CSMD1: variants seen among roughly 807,000 people sequenced by gnomAD.
CSMD1 encodes CUB and Sushi multiple domains 1.
Under a neutral mutation model 417.5 loss-of-function variants are expected in CSMD1, and 213 were observed. That is an observed-to-expected ratio of 0.51 (90% CI 0.46 to 0.57). CSMD1 has a LOEUF of 0.57. CSMD1 is among the 20% of genes least tolerant of loss of function. The probability of loss-of-function intolerance (pLI) is 0.00; values close to 1 mark genes in which losing one functional copy is unlikely to be tolerated. For missense variants in CSMD1, 6,923 were observed against 4,529.7 expected (o/e 1.53, Z -15.17); for synonymous variants, 2,862 against 1,736.8 (o/e 1.65, Z -16.11).
intron 65 of CSMD1, among the ~76,000 whole-genome samples, chr8:2,953,237 G>C (rs1350489300): frequency 6.6e-6 from 1 of 152,048 alleles, no homozygotes; most frequent in Non-Finnish European, 1.5e-5. Flanking sequence ...AAATAGTCTA[G>C]AAAGCTTTAA....
At chr8:3,679,156 A>G (rs1379614053) in intron 7 of CSMD1, among the ~76,000 whole-genome samples, 2 of 152,268 alleles carry the variant, frequency 1.3e-5, no homozygotes, top group South Asian at 2.1e-4. Flanking sequence ...CTAACATCAT[A>G]ATGACAGGAT....
intron 2 of CSMD1, among the ~76,000 whole-genome samples, chr8:4,621,260 C>T (rs1237535529): frequency 6.6e-6 from 1 of 151,832 alleles, no homozygotes; most frequent in Non-Finnish European, 1.5e-5. Flanking sequence ...ATATACATAA[C>T]CTGAAGACAA....
At chr8:2,999,260 T>A (rs542708692) in intron 53 of CSMD1, among the ~76,000 whole-genome samples, 78 of 150,696 alleles carry the variant, frequency 5.2e-4, no homozygotes, top group African/African-American at 1.9e-3. Flanking sequence ...GTTCAAGCAA[T>A]TCTCCTGCTT....
At chr8:3,455,216 A>G (rs1404815670) in intron 12 of CSMD1, among the ~76,000 whole-genome samples, 2 of 151,818 alleles carry the variant, frequency 1.3e-5, no homozygotes, top group Non-Finnish European at 2.9e-5. Flanking sequence ...CAGTCGTCTA[A>G]TTTTTTTTCA....
intron 15 of CSMD1, 82 bp downstream of exon 15, chr8:3,405,943 AAC>A: frequency 1.5e-6 from 2 of 1,332,496 alleles, no homozygotes; most frequent in South Asian, 2.7e-5. Flanking sequence ...CTAGCAAGCT[AAC>A]ACAGTTTGTT....
chr8:4,120,563 C>T (rs1362549357), intron 3 of CSMD1, among the ~76,000 whole-genome samples: 1 of 152,196 alleles, frequency 6.6e-6, no homozygotes, highest in African/African-American at 2.4e-5. Flanking sequence ...AAACTGGCGA[C>T]CGGGAGGCTT....
intron 5 of CSMD1, among the ~76,000 whole-genome samples, chr8:3,792,788 T>G (rs1292562941): frequency 1.3e-5 from 2 of 152,226 alleles, no homozygotes; most frequent in African/African-American, 4.8e-5. Flanking sequence ...TCTCACAATT[T>G]AAGGCATATA....
chr8:3,164,242 C>A (rs2129041197), intron 37 of CSMD1, among the ~76,000 whole-genome samples: 1 of 152,208 alleles, frequency 6.6e-6, no homozygotes, highest in Non-Finnish European at 1.5e-5. Flanking sequence ...GCCACAGAAC[C>A]CATTGATTCT....
chr8:4,733,537 G>A (rs970269785), intron 1 of CSMD1, among the ~76,000 whole-genome samples: 1 of 152,198 alleles, frequency 6.6e-6, no homozygotes, highest in Non-Finnish European at 1.5e-5. Flanking sequence ...GATAGATAGT[G>A]CATTGCCCAT....
At chr8:4,635,687 A>G (rs1802776686) in intron 2 of CSMD1, among the ~76,000 whole-genome samples, 1 of 152,136 alleles carries the variant, frequency 6.6e-6, no homozygotes, top group South Asian at 2.1e-4. Flanking sequence ...ATAATACACT[A>G]CTATACCCTA....
chr8:3,252,978 A>C (rs1800386496), intron 26 of CSMD1, among the ~76,000 whole-genome samples: 1 of 152,060 alleles, frequency 6.6e-6, no homozygotes, highest in Non-Finnish European at 1.5e-5. Context: ...TTTTGCTAGC[A>C]GTCTATCAAT....
At chr8:4,073,513 C>T (rs967218376) in intron 3 of CSMD1, among the ~76,000 whole-genome samples, 3 of 152,080 alleles carry the variant, frequency 2.0e-5, no homozygotes, top group Non-Finnish European at 4.4e-5. Flanking sequence ...TTTCAGAGGA[C>T]CTGGGATGTG....
At chr8:3,989,941 T>A (rs966339585) in intron 5 of CSMD1, among the ~76,000 whole-genome samples, 4 of 152,180 alleles carry the variant, frequency 2.6e-5, no homozygotes, top group African/African-American at 7.2e-5. Flanking sequence ...AAATTAGATA[T>A]TCATGGCTTC....
At chr8:4,632,827 C>G (rs150336458) in intron 2 of CSMD1, among the ~76,000 whole-genome samples, 1 of 152,108 alleles carries the variant, frequency 6.6e-6, no homozygotes, top group Non-Finnish European at 1.5e-5. Flanking sequence ...TTTTGAAAGA[C>G]GCATACTATT....
At chr8:3,071,623 T>C (rs889345057) in intron 49 of CSMD1, among the ~76,000 whole-genome samples, 1 of 152,178 alleles carries the variant, frequency 6.6e-6, no homozygotes, top group Non-Finnish European at 1.5e-5. Flanking sequence ...TCTCACATGA[T>C]TTTCAAATTT....
At chr8:4,625,652 A>T (rs1264396918) in intron 2 of CSMD1, among the ~76,000 whole-genome samples, 1 of 152,112 alleles carries the variant, frequency 6.6e-6, no homozygotes, top group African/African-American at 2.4e-5. Flanking sequence ...TCTAAAAAAA[A>T]ATGTGAAAAC....
At chr8:4,413,699 C>A (rs537742758) in intron 3 of CSMD1, among the ~76,000 whole-genome samples, 1 of 152,194 alleles carries the variant, frequency 6.6e-6, no homozygotes, top group East Asian at 1.9e-4. Flanking sequence ...GAGTATTTTC[C>A]AATGTCATTT....
intron 2 of CSMD1, among the ~76,000 whole-genome samples, chr8:4,574,454 C>T (rs1030024321): frequency 1.3e-5 from 2 of 152,168 alleles, no homozygotes; most frequent in Non-Finnish European, 2.9e-5. Flanking sequence ...TGGGCTGCAC[C>T]TACTTTCTAA....
At chr8:4,553,842 G>A (rs1175372004) in intron 2 of CSMD1, among the ~76,000 whole-genome samples, 1 of 152,130 alleles carries the variant, frequency 6.6e-6, no homozygotes, top group African/African-American at 2.4e-5. Context: ...TGGGTTAGCT[G>A]GGAAGACACA....
Sources: gnomAD v4.1 joint callset for allele counts (sites outside exome capture counted in the v4.1 genomes callset) on GRCh38, gnomAD v4.1.1 for gene constraint, MANE v1.5 for transcripts, NCBI Gene and HGNC (gene_info 2026-07-23, HGNC 2026-07-21) for gene names.